The following RPSA2 variants were observed in gnomAD, a reference collection of about 807,000 sequenced individuals.
The protein encoded by RPSA2 is ribosomal protein SA 2.
the RPSA2 span, chr19:23,828,130 A>G: frequency 6.2e-5 from 39 of 630,974 alleles, no homozygotes; most frequent in African/African-American, 2.4e-4. Context: ...AAAAAAAAAA[A>G]AAAAATGCTG....
chr19:23,864,800 A>AT, the RPSA2 span, among the ~76,000 whole-genome samples: 2 of 152,142 alleles, frequency 1.3e-5, no homozygotes, highest in Non-Finnish European at 2.9e-5. Flanking sequence ...TAAGATTTAA[A>AT]TTTTTAAATA....
At chr19:23,846,893 T>C in the RPSA2 span, among the ~76,000 whole-genome samples, 772 of 152,350 alleles carry the variant, frequency 5.1e-3, 3 homozygotes, top group Non-Finnish European at 8.5e-3. Context: ...CCTGTATATG[T>C]ATGTCTAATT....
the RPSA2 span, among the ~76,000 whole-genome samples, chr19:23,787,099 T>C: frequency 6.6e-6 from 1 of 152,164 alleles, no homozygotes; most frequent in African/African-American, 2.4e-5. Flanking sequence ...TTGTAGCATA[T>C]TGCTACACCC....
the RPSA2 span, among the ~76,000 whole-genome samples, chr19:23,786,630 C>T: frequency 1.3e-5 from 2 of 152,100 alleles, no homozygotes; most frequent in African/African-American, 4.8e-5. Context: ...TCTGGGACTG[C>T]GTGCAGGGGA....
the RPSA2 span, chr19:23,832,766 C>A: frequency 1.0e-5 from 16 of 1,567,490 alleles, no homozygotes; most frequent in African/African-American, 2.0e-4. Flanking sequence ...TCAATCCTTA[C>A]TCGACATAAG....
the RPSA2 span, among the ~76,000 whole-genome samples, chr19:23,801,227 C>G: frequency 2.0e-5 from 3 of 151,488 alleles, no homozygotes; most frequent in Non-Finnish European, 2.9e-5. Flanking sequence ...TTGAGAAATG[C>G]AAGTCTTTTT....
the RPSA2 span, among the ~76,000 whole-genome samples, chr19:23,785,484 A>G: frequency 6.6e-6 from 1 of 152,140 alleles, no homozygotes; most frequent in African/African-American, 2.4e-5. Flanking sequence ...AGGCCCAGGT[A>G]CCAGACAATG....
chr19:23,864,853 C>T, the RPSA2 span, among the ~76,000 whole-genome samples: 69 of 151,698 alleles, frequency 4.5e-4, no homozygotes, highest in Non-Finnish European at 7.2e-4. Context: ...TCATGCAGGC[C>T]TGCACTAAGT....
chr19:23,781,490 C>G, the RPSA2 span, among the ~76,000 whole-genome samples: 2 of 151,854 alleles, frequency 1.3e-5, no homozygotes, highest in African/African-American at 2.4e-5. Context: ...AGATGCCCAC[C>G]ACCACACAGG....
the RPSA2 span, among the ~76,000 whole-genome samples, chr19:23,794,533 G>A: frequency 6.6e-6 from 1 of 151,920 alleles, no homozygotes; most frequent in Non-Finnish European, 1.5e-5. Flanking sequence ...TTGTTAGTGA[G>A]GTCTTTTTTT....
At chr19:23,785,867 T>G in the RPSA2 span, among the ~76,000 whole-genome samples, 2 of 152,192 alleles carry the variant, frequency 1.3e-5, no homozygotes, top group African/African-American at 4.8e-5. Flanking sequence ...GTCTCCTTTT[T>G]TGTACAAAGT....
the RPSA2 span, chr19:23,826,917 C>G: frequency 5.9e-6 from 3 of 509,674 alleles, no homozygotes; most frequent in South Asian, 6.2e-5. Context: ...ATCTCGAACT[C>G]CTTACCTTGT....
chr19:23,773,830 T>A, the RPSA2 span, among the ~76,000 whole-genome samples: 3 of 152,166 alleles, frequency 2.0e-5, no homozygotes, highest in South Asian at 6.2e-4. Context: ...GGCTGTCAGG[T>A]ACAAATTTAG....
At chr19:23,780,669 AACTG>A in the RPSA2 span, among the ~76,000 whole-genome samples, 15 of 66,506 alleles carry the variant, frequency 2.3e-4, no homozygotes, top group Admixed American at 3.0e-4. Flanking sequence ...CAAAAAACAA[AACTG>A]ACTATCATTT....
At chr19:23,853,508 T>C in the RPSA2 span, among the ~76,000 whole-genome samples, 8 of 152,220 alleles carry the variant, frequency 5.3e-5, no homozygotes, top group Non-Finnish European at 8.8e-5. Context: ...CCAATTTCCA[T>C]TATAAAGGCA....
chr19:23,818,014 G>C, the RPSA2 span: 1 of 152,114 alleles, frequency 6.6e-6, no homozygotes, highest in Non-Finnish European at 1.5e-5. Flanking sequence ...TCCCATCATT[G>C]CTCTATGGGA....
chr19:23,865,597 T>A, the RPSA2 span, among the ~76,000 whole-genome samples: 1 of 152,048 alleles, frequency 6.6e-6, no homozygotes, highest in East Asian at 1.9e-4. Flanking sequence ...TTGAAAATAA[T>A]GAGCAGGAGA....
the RPSA2 span, chr19:23,832,377 A>T: frequency 1.0e-5 from 5 of 499,490 alleles, no homozygotes; most frequent in South Asian, 7.5e-5. Context: ...TCCATACTAG[A>T]CAGAAACCCT....
the RPSA2 span, among the ~76,000 whole-genome samples, chr19:23,856,111 C>T: frequency 9.2e-5 from 14 of 151,998 alleles, 1 homozygote; most frequent in East Asian, 2.1e-3. Context: ...TAACAAAGGC[C>T]GAACAGAAGA....
Sources: allele counts gnomAD v4.1 joint callset (sites outside exome capture counted in the v4.1 genomes callset), GRCh38; gene constraint gnomAD v4.1.1; transcripts MANE v1.5; gene names NCBI Gene and HGNC (gene_info 2026-07-23, HGNC 2026-07-21).